EGFLAM: variants seen among roughly 807,000 people sequenced by gnomAD.
The protein encoded by EGFLAM is EGF like, fibronectin type III and laminin G domains.
EGFLAM carries 79 observed loss-of-function variants against 113.1 expected under a neutral mutation model. The observed-to-expected ratio is 0.70, with a 90% confidence interval of 0.58 to 0.84. The LOEUF is 0.84. Among genes scored for constraint, EGFLAM ranks in the 40% least tolerant of loss-of-function variants. EGFLAM has a pLI of 0.00. For missense variants in EGFLAM, 1,265 were observed against 1,291.6 expected (o/e 0.98, Z 0.32); for synonymous variants, 504 against 487.6 (o/e 1.03, Z -0.44).
chr5:38,462,867 A>G lies in EGFLAM; in HGVS notation c.2772-41A>G, dbSNP rs780076917. On this transcript the variant is annotated intron_variant, in intron 20 of 21. Coordinates refer to ENST00000322350, the MANE Select transcript of EGFLAM (RefSeq NM_152403.4). Reference sequence around the variant, plus strand: ...ATGAATGATTGAATGAACTCCAAAAATGCCAGGCTTTTTGTTCTTTTTTGT... The same window carrying G: ...ATGAATGATTGAATGAACTCCAAAAGTGCCAGGCTTTTTGTTCTTTTTTGT... 1.9e-6 allele frequency: 3 copies of G among 1,608,718 alleles called. No individual in the cohort carries two copies. The Admixed American group carries it at 5.0e-5, about 27-fold the overall frequency.
At chr5:38,288,931 C>T (rs917191898) in intron 1 of EGFLAM, among the ~76,000 whole-genome samples, 3 of 152,256 alleles carry the variant, frequency 2.0e-5, no homozygotes, top group East Asian at 1.9e-4. Flanking sequence ...CTACCCCACC[C>T]TCATGTCCTA....
intron 5 of EGFLAM, among the ~76,000 whole-genome samples, chr5:38,362,827 A>G (rs923533267): frequency 2.0e-5 from 3 of 152,230 alleles, no homozygotes; most frequent in Non-Finnish European, 2.9e-5. Context: ...TCCGACCTGT[A>G]GTTCGGCAAA....
At chr5:38,319,341 G>A (rs1186858272) in intron 1 of EGFLAM, among the ~76,000 whole-genome samples, 3 of 152,182 alleles carry the variant, frequency 2.0e-5, no homozygotes. Context: ...TTCAGGTTGA[G>A]AGATGCCAGC....
At position 38,337,568 on chromosome 5, in the gene EGFLAM, C is replaced by A. The variant is rs145406817; in HGVS notation, c.146C>A (p.Thr49Lys). The A allele has an allele frequency of 1.2e-6, 2 of 1,606,920 alleles. No homozygotes were observed. The highest frequency in any genetic ancestry group is 1.7e-6 in the Non-Finnish European group (2 of 1,176,150). ...ATCAAGCTGGGCGCATTGAACTGTA[C>A]GGCTTTCAGCATCCAGTGGAAAATG... ...LDIKLGALNC[T>K]AFSIQWKMPR... The change falls in exon 2 of 22, where the codon ACG becomes AAG. Residue 49 changes from threonine (T) to lysine (K), a missense_variant. Physicochemically the swap from Thr to Lys is moderately conservative, Grantham distance 78. Coordinates refer to ENST00000322350, the MANE Select transcript of EGFLAM (RefSeq NM_152403.4).
intron 12 of EGFLAM, among the ~76,000 whole-genome samples, chr5:38,420,018 C>T (rs2112168541): frequency 6.6e-6 from 1 of 152,236 alleles, no homozygotes; most frequent in Middle Eastern, 3.4e-3. Context: ...CAGAGTGAGA[C>T]TGTCTTAAAA....
At chr5:38,293,858 A>T (rs1309790890) in intron 1 of EGFLAM, among the ~76,000 whole-genome samples, 1 of 152,196 alleles carries the variant, frequency 6.6e-6, no homozygotes. Context: ...TGAATGTCAC[A>T]CTGGCAGATG....
intron 6 of EGFLAM, among the ~76,000 whole-genome samples, chr5:38,383,794 T>G (rs1332207675): frequency 6.6e-6 from 1 of 151,932 alleles, no homozygotes; most frequent in Non-Finnish European, 1.5e-5. Context: ...GGAAGGCTTC[T>G]CTCAAAGAGA....
chr5:38,371,836 A>G (rs1740228420), intron 6 of EGFLAM, among the ~76,000 whole-genome samples: 1 of 152,146 alleles, frequency 6.6e-6, no homozygotes. Flanking sequence ...TCTTTGGCTG[A>G]ACTTTATGGA....
At chr5:38,363,718 A>G (rs890245544) in intron 5 of EGFLAM, among the ~76,000 whole-genome samples, 5 of 152,198 alleles carry the variant, frequency 3.3e-5, no homozygotes, top group African/African-American at 1.2e-4. Context: ...GAACCTATAT[A>G]TTTGATGCCT....
intron 1 of EGFLAM, among the ~76,000 whole-genome samples, chr5:38,297,056 A>G (rs1758467078): frequency 6.6e-6 from 1 of 152,250 alleles, no homozygotes; most frequent in Non-Finnish European, 1.5e-5. Context: ...GAATTGTTAC[A>G]GATCGGGGGA....
intron 1 of EGFLAM, among the ~76,000 whole-genome samples, chr5:38,288,402 C>T (rs1306520881): frequency 6.6e-6 from 1 of 152,130 alleles, no homozygotes; most frequent in African/African-American, 2.4e-5. Context: ...ATAGGGTCTC[C>T]ACTGTGATAT....
intron 6 of EGFLAM, among the ~76,000 whole-genome samples, chr5:38,371,698 A>T (rs1239241854): frequency 6.6e-6 from 1 of 152,180 alleles, no homozygotes. Flanking sequence ...CAGGAAAAAA[A>T]AATGTTTTCA....
rs542444656 is a variant in EGFLAM at position 38,458,307 on chromosome 5, T to C, written c.2688-4T>C. On this transcript the variant is annotated splice_polypyrimidine_tract_variant and splice_region_variant and intron_variant, in intron 19 of 21. Transcript: ENST00000322350. ...CTCTGTCTTCTTCTTCTCCAATGCC[T>C]TAGCTATAACCTGGGCAGTGGTGTG... 19 of 1,613,252 alleles carry C rather than the reference T, an allele frequency of 1.2e-5. No individual in the cohort carries two copies. In the South Asian group the frequency reaches 2.0e-4, roughly 17 times the overall value.
In EGFLAM at chr5:38,412,865, C is replaced by T. The variant is rs184908327; in HGVS notation, c.1494+217C>T. Among the ~76,000 whole-genome samples the T allele has an allele frequency of 1.5e-3, 223 of 152,236 alleles. 1 individual carries two copies. Among genetic ancestry groups the T allele is most frequent in the Non-Finnish European group, 2.5e-3 (168 of 68,024 alleles). On this transcript the variant is annotated intron_variant, in intron 11 of 21. Coordinates refer to ENST00000322350, the MANE Select transcript of EGFLAM (RefSeq NM_152403.4). ...GTGAGCTTTCAGGGCACACATCCACCGCACATCTACCAAAGAGAAGAATTA... is the reference window on the plus strand; with the variant it reads ...GTGAGCTTTCAGGGCACACATCCACTGCACATCTACCAAAGAGAAGAATTA...
rs113241858 is a variant in EGFLAM, at chr5:38,377,772, C to G, written c.712+7310C>G. On this transcript the variant is annotated intron_variant, in intron 6 of 21. Transcript: ENST00000322350. ...GGAAGGAAAGAAGGAAGGAAGAGAG[C>G]AAACCCAGTGAATTTAAATTCAAGG... Among the ~76,000 whole-genome samples the G allele has an allele frequency of 1.4e-3, 206 of 152,216 alleles. 2 individuals are homozygous for G. Among genetic ancestry groups the G allele is most frequent in the Non-Finnish European group, 2.0e-3 (138 of 68,014 alleles).
chr5:38,357,730 C>A (rs1739799732), intron 5 of EGFLAM, among the ~76,000 whole-genome samples: 4 of 152,168 alleles, frequency 2.6e-5, no homozygotes, highest in Admixed American at 2.6e-4. Flanking sequence ...TGTCTACATT[C>A]TGTCACTGGA....
intron 4 of EGFLAM, among the ~76,000 whole-genome samples, chr5:38,351,361 C>T (rs1166322478): frequency 1.3e-5 from 2 of 152,052 alleles, no homozygotes; most frequent in African/African-American, 4.8e-5. Context: ...CCTGCCTCTG[C>T]CTCCCAAAGT....
At position 38,372,848 on chromosome 5, in the gene EGFLAM, C is replaced by T. The variant is rs75863632; in HGVS notation, c.712+2386C>T. 5.3e-5 allele frequency among the ~76,000 whole-genome samples: 8 copies of T among 152,270 alleles called. No homozygotes were observed. In the East Asian group the frequency reaches 1.4e-3, roughly 26 times the overall value. ...TTCAATCGTGGTTTTTCTCCTTGAT[C>T]ACTTCTGACATTTTGGAAAACCCTT... On this transcript the variant is annotated intron_variant, in intron 6 of 21. Coordinates refer to ENST00000322350, the MANE Select transcript of EGFLAM (RefSeq NM_152403.4).
intron 1 of EGFLAM, chr5:38,305,508 A>G (rs766927824): frequency 4.4e-6 from 2 of 453,422 alleles, no homozygotes; most frequent in East Asian, 1.4e-4. Context: ...GAAACAGAAG[A>G]TCCAATCCAG....
Sources: allele counts gnomAD v4.1 joint callset (sites outside exome capture counted in the v4.1 genomes callset), GRCh38; gene constraint gnomAD v4.1.1; transcripts MANE v1.5; gene names NCBI Gene and HGNC (gene_info 2026-07-23, HGNC 2026-07-21).